AKR7A2: variants seen among roughly 807,000 people sequenced by gnomAD.
AKR7A2 encodes aflatoxin B1 aldehyde reductase member 2.
In AKR7A2, 29 loss-of-function variants were observed where a neutral mutation model predicts 37.3. The observed-to-expected ratio is 0.78, with a 90% confidence interval of 0.58 to 1.06. The LOEUF (loss-of-function observed/expected upper bound fraction) is 1.06. Ranked by LOEUF, AKR7A2 falls within the 50% of genes least tolerant of loss-of-function variation. The probability of loss-of-function intolerance (pLI) is 0.00; values close to 1 mark genes in which losing one functional copy is unlikely to be tolerated. For synonymous variants in AKR7A2, 228 were observed against 217.8 expected, an observed-to-expected ratio of 1.05 and a Z score of -0.41; for missense variants, 529 against 497.9, an observed-to-expected ratio of 1.06 and a Z score of -0.59.
rs2093769579 is a variant in AKR7A2, at chr1:19,310,205, A to G, written c.299-1563T>C. ...GAAGGGTGTCACGAGATCAGTTGGG[A>G]TATGGGACAGAACAAGTTCCACAGT... is the stretch of plus-strand genomic sequence containing the variant. On this transcript the variant is annotated intron_variant, in intron 1 of 6. Transcript: ENST00000235835. Among the ~76,000 whole-genome samples, 2 of 152,118 alleles carry G rather than the reference A, an allele frequency of 1.3e-5. 1 individual carries two copies. Among genetic ancestry groups the G allele is most frequent in the South Asian group, 4.1e-4 (2 of 4,832 alleles).
intron 1 of AKR7A2, among the ~76,000 whole-genome samples, chr1:19,309,219 T>C (rs947973655): frequency 3.3e-5 from 5 of 152,212 alleles, no homozygotes; most frequent in Non-Finnish European, 7.3e-5. Flanking sequence ...CAAGGAGCAG[T>C]GGGACGTAGG....
chr1:19,307,308 A>G lies in AKR7A2; in HGVS notation c.688+6T>C. ...GCTGAGACAGGGTCAGGAATGCTCC[A>G]CGTACCAGCCAGAGGGTTGTAGGCA... On this transcript the variant is annotated splice_donor_region_variant and intron_variant, in intron 4 of 6. Coordinates refer to ENST00000235835, the MANE Select transcript of AKR7A2 (RefSeq NM_003689.4). 6.2e-7 allele frequency: 1 copy of G among 1,612,936 alleles called. No homozygotes were observed. The highest frequency in any genetic ancestry group is 8.5e-7 in the Non-Finnish European group (1 of 1,179,956).
chr1:19,308,358 C>A, intron 2 of AKR7A2, 96 bp from the exon 3 acceptor site: 7 of 1,594,922 alleles, frequency 4.4e-6, no homozygotes, highest in Admixed American at 1.8e-5. Context: ...TTCCCTGCCC[C>A]ACCCTGGGAC....
intron 1 of AKR7A2, 68 bp downstream of exon 1, chr1:19,311,759 G>A (rs1452730733): frequency 5.6e-6 from 9 of 1,594,400 alleles, no homozygotes; most frequent in African/African-American, 1.3e-5. Context: ...GCCCGAGCGG[G>A]GTGGTGCACG....
chr1:19,307,916 G>A, intron 3 of AKR7A2: 1 of 607,490 alleles, frequency 1.6e-6, no homozygotes, highest in South Asian at 1.9e-5. Flanking sequence ...CCAGGCTGAA[G>A]TATGAAAGGA....
chr1:19,310,099 A>C (rs111471654), intron 1 of AKR7A2, among the ~76,000 whole-genome samples: 1,732 of 152,112 alleles, frequency 0.011, 14 homozygotes, highest in African/African-American at 0.022. Flanking sequence ...CAAAACAAAA[A>C]AAAAGAACCC....
chr1:19,308,788 G>A, intron 1 of AKR7A2, 146 bp from the exon 2 acceptor site: 1 of 818,782 alleles, frequency 1.2e-6, no homozygotes, highest in South Asian at 1.5e-5. Flanking sequence ...TCATTGGGAG[G>A]TCCTGGGGAT....
At chr1:19,309,694 T>G (rs2093768786) in intron 1 of AKR7A2, among the ~76,000 whole-genome samples, 1 of 151,826 alleles carries the variant, frequency 6.6e-6, no homozygotes, top group Non-Finnish European at 1.5e-5. Flanking sequence ...GGAGGCTGAG[T>G]AGGGAGAATT....
At chr1:19,309,172 C>A (rs924689810) in intron 1 of AKR7A2, among the ~76,000 whole-genome samples, 1 of 152,220 alleles carries the variant, frequency 6.6e-6, no homozygotes, top group African/African-American at 2.4e-5. Flanking sequence ...AGGCTCCAAA[C>A]CTTCAAGTCT....
chr1:19,311,291 G>C (rs577249902), intron 1 of AKR7A2, among the ~76,000 whole-genome samples: 15 of 152,276 alleles, frequency 9.9e-5, no homozygotes, highest in Admixed American at 2.6e-4. Context: ...AGAGTGGATA[G>C]AAAGTCCCTA....
chr1:19,310,706 C>CCA (rs1024349270), intron 1 of AKR7A2, among the ~76,000 whole-genome samples: 1 of 152,110 alleles, frequency 6.6e-6, no homozygotes, highest in African/African-American at 2.4e-5. Context: ...CAACATGCAG[C>CCA]CAGGTGAACT....
chr1:19,305,769 C>G (rs748768055), intron 6 of AKR7A2, among the ~76,000 whole-genome samples: 4 of 152,180 alleles, frequency 2.6e-5, no homozygotes, highest in Non-Finnish European at 5.9e-5. Flanking sequence ...CCTCGGTTTC[C>G]TCATCAATAA....
At position 19,308,572 on chromosome 1, in the gene AKR7A2, C is replaced by T. The variant is rs762714903; in HGVS notation, c.369G>A (p.Leu123=). Residue 123 remains leucine (L), a synonymous_variant, in exon 2 of 7, where the codon CTG becomes CTA. Transcript: ENST00000235835. ...ACTGCAGCCTCTTCAATGACGTCTCCAGCTGGGACCGGACACTGTCAGGCT... is the reference window on the plus strand; with the variant it reads ...ACTGCAGCCTCTTCAATGACGTCTCTAGCTGGGACCGGACACTGTCAGGCT... ...SLKPDSVRSQ[L]ETSLKRLQCP... The T allele has an allele frequency of 1.2e-5, 19 of 1,614,094 alleles. No individual in the cohort carries two copies. The highest frequency in any genetic ancestry group is 1.4e-5 in the Non-Finnish European group (17 of 1,180,038).
At position 19,306,131 on chromosome 1, in the gene AKR7A2, G is replaced by T. The variant is rs532356402; in HGVS notation, c.805C>A (p.His269Asn). ...TYRNRFWKEH[H>N]FEAIALVEKA... is the part of the protein sequence containing the mutation. ...TCCACCAACGCAATGGCCTCGAAGTGGTGCTCCTTCCAGAAGCTGTGCAGA... is the reference window on the plus strand; with the variant it reads ...TCCACCAACGCAATGGCCTCGAAGTTGTGCTCCTTCCAGAAGCTGTGCAGA... Residue 269 changes from histidine (H) to asparagine (N), a missense_variant, in exon 6 of 7, where the codon CAC (histidine) becomes AAC (asparagine). His to Asn is a moderately conservative substitution (Grantham distance 68). Coordinates refer to ENST00000235835, the MANE Select transcript of AKR7A2 (RefSeq NM_003689.4). The T allele has an allele frequency of 1.2e-6, 2 of 1,614,194 alleles. No homozygotes were observed. Among genetic ancestry groups the T allele is most frequent in the Non-Finnish European group, 1.7e-6 (2 of 1,180,014 alleles).
At position 19,304,522 on chromosome 1, in the gene AKR7A2, G is replaced by T. The variant is rs1015273738; in HGVS notation, c.919-136C>A. The stretch of plus-strand genomic sequence containing the variant: ...TCTTGTATGTCCAGAAAGGACTTAA[G>T]GTGCCTTGGATAGCTGTACCCACGT... On this transcript the variant is annotated intron_variant, in intron 6 of 6. Coordinates refer to ENST00000235835, the MANE Select transcript of AKR7A2 (RefSeq NM_003689.4). 3.3e-6 allele frequency: 5 copies of T among 1,497,844 alleles called. No homozygotes were observed. The East Asian group carries it at 1.1e-4, about 34-fold the overall frequency. The allele number at this position is 1,497,844 out of a possible 1,614,324, so 92.8% of individuals were successfully genotyped here.
In AKR7A2 at chr1:19,304,112, G is replaced by C. The variant is rs2093756774; in HGVS notation, c.*113C>G. The C allele has an allele frequency of 6.5e-7, 1 of 1,536,372 alleles. No homozygotes were observed. Among genetic ancestry groups the C allele is most frequent in the Non-Finnish European group, 9.0e-7 (1 of 1,112,548 alleles). ...CAGGAAGCTAGAAAAATAATGCATG[G>C]ATCTAGACAATTCAGAAAAACCCTT... On this transcript the variant is annotated 3_prime_UTR_variant, in exon 7 of 7. Transcript: ENST00000235835.
Position 19,306,125 on chromosome 1 carries a change from C to CG in AKR7A2, c.810dup (p.Glu271ArgfsTer74), listed in dbSNP as rs988324338. On this transcript the variant is annotated frameshift_variant, in exon 6 of 7. Transcript: ENST00000235835. LOFTEE classifies it high-confidence loss of function. Reference sequence around the variant, plus strand: ...GCCTTCTCCACCAACGCAATGGCCTCGAAGTGGTGCTCCTTCCAGAAGCTG... The same window carrying CG: ...GCCTTCTCCACCAACGCAATGGCCTCGGAAGTGGTGCTCCTTCCAGAAGCTG... The CG allele has an allele frequency of 1.2e-6, 2 of 1,614,184 alleles. No homozygotes were observed. The highest frequency in any genetic ancestry group is 2.7e-5 in the African/African-American group (2 of 75,050).
chr1:19,312,120 A>T lies in AKR7A2; in HGVS notation c.5T>A (p.Leu2Gln). Reference sequence around the variant, plus strand: ...GGAGACTACGCGAGACGCGGCACTCAGCATAGCAGCGGCGCCTGCGCGTTG... The same window carrying T: ...GGAGACTACGCGAGACGCGGCACTCTGCATAGCAGCGGCGCCTGCGCGTTG... M[L>Q]SAASRVVSRA... is the part of the protein sequence containing the mutation. Residue 2 changes from leucine to glutamine, a missense_variant, in exon 1 of 7, where the codon CTG becomes CAG. Coordinates refer to ENST00000235835, the MANE Select transcript of AKR7A2 (RefSeq NM_003689.4). 1 of 1,284,120 alleles carries T rather than the reference A, an allele frequency of 7.8e-7. No individual in the cohort carries two copies. Among genetic ancestry groups the T allele is most frequent in the East Asian group, 3.2e-5 (1 of 30,864 alleles). 79.5% of individuals were successfully genotyped at this position (1,284,120 alleles called of 1,614,324 possible). A position where few individuals can be genotyped will look rare whatever the true frequency, so the allele number is the denominator to read the frequency against.
chr1:19,311,113 T>C (rs1469249233), intron 1 of AKR7A2, among the ~76,000 whole-genome samples: 2 of 152,230 alleles, frequency 1.3e-5, no homozygotes, highest in African/African-American at 4.8e-5. Flanking sequence ...CCATCCAGCA[T>C]TTGCTGAGCC....
Sources: allele counts gnomAD v4.1 joint callset (sites outside exome capture counted in the v4.1 genomes callset), GRCh38; gene constraint gnomAD v4.1.1; transcripts MANE v1.5; gene names NCBI Gene and HGNC (gene_info 2026-07-23, HGNC 2026-07-21).